The following NRG1 variants were observed in gnomAD, a reference collection of about 807,000 sequenced individuals.
NRG1 encodes pro-neuregulin-1, membrane-bound isoform.
In NRG1, 18 loss-of-function variants were observed where a neutral mutation model predicts 63.8. The ratio of observed to expected loss-of-function variants is 0.28; its 90% CI spans 0.19 to 0.42. NRG1 has a LOEUF of 0.42. NRG1 is among the 10% of genes least tolerant of loss of function. The probability of loss-of-function intolerance (pLI) is 1.00; values close to 1 mark genes in which losing one functional copy is unlikely to be tolerated. For missense variants in NRG1, 762 were observed against 814.7 expected (o/e 0.94, Z 0.79); for synonymous variants, 302 against 301.3 (o/e 1.00, Z -0.02).
At chr8:31,841,692 C>A (rs1057347541) in intron 1 of NRG1, among the ~76,000 whole-genome samples, 1 of 152,114 alleles carries the variant, frequency 6.6e-6, no homozygotes, top group Admixed American at 6.5e-5. Context: ...TAGCTATTTA[C>A]CCCTATAACT....
intron 1 of NRG1, among the ~76,000 whole-genome samples, chr8:31,803,384 G>A (rs1407937425): frequency 2.0e-5 from 3 of 152,150 alleles, no homozygotes; most frequent in Non-Finnish European, 2.9e-5. Context: ...CAGAGAGCTG[G>A]TAGTGGAATC....
chr8:32,275,513 T>G (rs1333366054), intron 1 of NRG1, among the ~76,000 whole-genome samples: 1 of 151,966 alleles, frequency 6.6e-6, no homozygotes, highest in African/African-American at 2.4e-5. Context: ...TGAAAGGACA[T>G]TAAGACGGAG....
intron 1 of NRG1, among the ~76,000 whole-genome samples, chr8:31,681,475 T>C (rs929428127): frequency 6.6e-6 from 1 of 151,892 alleles, no homozygotes; most frequent in Admixed American, 6.6e-5. Flanking sequence ...CAATGACATA[T>C]CATGTTCCAG....
chr8:32,402,038 A>C (rs1400800680), intron 1 of NRG1, among the ~76,000 whole-genome samples: 1 of 152,082 alleles, frequency 6.6e-6, no homozygotes, highest in Non-Finnish European at 1.5e-5. Flanking sequence ...CAGTCACCCG[A>C]GTACCTGGGA....
intron 1 of NRG1, among the ~76,000 whole-genome samples, chr8:32,241,062 G>T (rs1848053625): frequency 6.6e-6 from 1 of 152,084 alleles, no homozygotes; most frequent in African/African-American, 2.4e-5. Context: ...TCAAAGTTCA[G>T]CATGCATCAG....
At chr8:32,263,066 A>G (rs1850558863) in intron 1 of NRG1, among the ~76,000 whole-genome samples, 1 of 152,200 alleles carries the variant, frequency 6.6e-6, no homozygotes, top group Non-Finnish European at 1.5e-5. Flanking sequence ...AGAAATCTTT[A>G]TCTGATCTGT....
At chr8:32,153,848 A>G (rs1837768068) in intron 1 of NRG1, among the ~76,000 whole-genome samples, 1 of 152,144 alleles carries the variant, frequency 6.6e-6, no homozygotes, top group South Asian at 2.1e-4. Context: ...GAACCAAAAA[A>G]CCATTGGTGG....
At chr8:32,304,909 C>G (rs1054424678) in intron 1 of NRG1, among the ~76,000 whole-genome samples, 1 of 152,036 alleles carries the variant, frequency 6.6e-6, no homozygotes, top group African/African-American at 2.4e-5. Context: ...GTAATCCTAG[C>G]TACTAGAGAG....
chr8:31,938,050 T>C (rs1000943818), intron 1 of NRG1, among the ~76,000 whole-genome samples: 3 of 152,110 alleles, frequency 2.0e-5, no homozygotes, highest in Admixed American at 2.0e-4. Context: ...AACCTGTCTA[T>C]AGGACCACAG....
intron 1 of NRG1, among the ~76,000 whole-genome samples, chr8:32,189,790 G>C (rs1842311971): frequency 1.3e-5 from 2 of 152,082 alleles, no homozygotes; most frequent in African/African-American, 4.8e-5. Flanking sequence ...ATTTCACTGT[G>C]TTCCTCTGAG....
chr8:31,800,511 C>T (rs763796331), intron 1 of NRG1, among the ~76,000 whole-genome samples: 6 of 152,082 alleles, frequency 3.9e-5, no homozygotes, highest in South Asian at 2.1e-4. Flanking sequence ...TCTATTAGGA[C>T]GATCTTCACC....
At chr8:31,838,441 G>C (rs1425717645) in intron 1 of NRG1, among the ~76,000 whole-genome samples, 1 of 151,908 alleles carries the variant, frequency 6.6e-6, no homozygotes, top group Non-Finnish European at 1.5e-5. Context: ...TTTATATTTT[G>C]TATGAAATTT....
intron 7 of NRG1, among the ~76,000 whole-genome samples, chr8:32,751,405 A>G (rs1828701367): frequency 6.6e-6 from 1 of 152,200 alleles, no homozygotes; most frequent in Non-Finnish European, 1.5e-5. Context: ...TCGGAATGAC[A>G]GACTCTTGTT....
intron 1 of NRG1, among the ~76,000 whole-genome samples, chr8:32,576,943 T>C (rs148184425): frequency 1.3e-4 from 20 of 152,262 alleles, no homozygotes; most frequent in African/African-American, 3.8e-4. Context: ...TAGTACCCAA[T>C]AGTTGGTTTT....
chr8:32,384,529 T>C (rs1343805476), intron 1 of NRG1, among the ~76,000 whole-genome samples: 1 of 152,222 alleles, frequency 6.6e-6, no homozygotes, highest in Non-Finnish European at 1.5e-5. Context: ...TTAACATCAT[T>C]GTCTAGCAGT....
intron 1 of NRG1, chr8:32,063,397 C>A (rs953452101): frequency 6.6e-6 from 1 of 152,068 alleles, no homozygotes; most frequent in Non-Finnish European, 1.5e-5. Flanking sequence ...TGGAAAGATT[C>A]CACATTACTA....
At chr8:32,279,503 C>T (rs2129473063) in intron 1 of NRG1, among the ~76,000 whole-genome samples, 1 of 152,278 alleles carries the variant, frequency 6.6e-6, no homozygotes, top group South Asian at 2.1e-4. Context: ...CAGGCACGTG[C>T]CACCACATCC....
intron 1 of NRG1, among the ~76,000 whole-genome samples, chr8:32,116,971 CAAAAAAAAAAAA>C (rs756283492): frequency 3.2e-5 from 1 of 31,548 alleles, no homozygotes; most frequent in Non-Finnish European, 8.1e-5. Flanking sequence ...CCTGTCTCTA[CAAAAAAAAAAAA>C]AAAAAAAAAA....
intron 1 of NRG1, among the ~76,000 whole-genome samples, chr8:32,131,893 T>C (rs1037076526): frequency 6.6e-6 from 1 of 152,052 alleles, no homozygotes; most frequent in Non-Finnish European, 1.5e-5. Flanking sequence ...AGCCCTCTTA[T>C]TAAAAAGATT....
Sources: allele counts gnomAD v4.1 joint callset (sites outside exome capture counted in the v4.1 genomes callset), GRCh38; gene constraint gnomAD v4.1.1; transcripts MANE v1.5; gene names NCBI Gene and HGNC (gene_info 2026-07-23, HGNC 2026-07-21).